The following CHST9 variants were observed in gnomAD, a reference collection of about 807,000 sequenced individuals.
CHST9 encodes carbohydrate sulfotransferase 9.
CHST9 carries 41 observed loss-of-function variants against 44.4 expected under a neutral mutation model. The ratio of observed to expected loss-of-function variants is 0.92; its 90% CI spans 0.72 to 1.20. CHST9 has a LOEUF of 1.20. CHST9 is among the 50% of genes most tolerant of loss of function. The probability of loss-of-function intolerance (pLI) is 0.00; values close to 1 mark genes in which losing one functional copy is unlikely to be tolerated. For missense variants in CHST9, 504 were observed against 516.5 expected, an observed-to-expected ratio of 0.98 and a Z score of 0.23; for synonymous variants, 171 against 178.4, an observed-to-expected ratio of 0.96 and a Z score of 0.33.
At chr18:27,072,361 A>G (rs2057849991) in intron 2 of CHST9, among the ~76,000 whole-genome samples, 1 of 152,058 alleles carries the variant, frequency 6.6e-6, no homozygotes, top group African/African-American at 2.4e-5. Context: ...CAGGGTTGTC[A>G]GCAACAATTT....
intron 4 of CHST9, among the ~76,000 whole-genome samples, chr18:27,019,010 C>T (rs534480115): frequency 6.6e-6 from 1 of 152,320 alleles, no homozygotes; most frequent in South Asian, 2.1e-4. Context: ...GCAATGTGTG[C>T]CCCAGAAAAT....
chr18:27,100,955 T>C (rs1598724951), intron 2 of CHST9, among the ~76,000 whole-genome samples: 1 of 152,348 alleles, frequency 6.6e-6, no homozygotes, highest in Admixed American at 6.5e-5. Context: ...CCAAATGTTA[T>C]CAGCCAAGTC....
intron 2 of CHST9, among the ~76,000 whole-genome samples, chr18:27,129,961 T>C (rs2058457767): frequency 1.3e-5 from 2 of 152,058 alleles, no homozygotes; most frequent in African/African-American, 4.8e-5. Flanking sequence ...CAAAGGATCT[T>C]GAGCCCTCTT....
chr18:27,065,480 T>G (rs1302296524), intron 2 of CHST9, among the ~76,000 whole-genome samples: 1 of 152,052 alleles, frequency 6.6e-6, no homozygotes, highest in Non-Finnish European at 1.5e-5. Flanking sequence ...CCTTAAAAAT[T>G]CATTTTGGTT....
chr18:26,919,431 C>A (rs2055604373), intron 5 of CHST9, among the ~76,000 whole-genome samples: 1 of 152,152 alleles, frequency 6.6e-6, no homozygotes, highest in Non-Finnish European at 1.5e-5. Flanking sequence ...GTTTGACAGA[C>A]CATAGGGTTA....
At chr18:27,160,170 G>A (rs1019255494) in intron 1 of CHST9, among the ~76,000 whole-genome samples, 9 of 152,128 alleles carry the variant, frequency 5.9e-5, no homozygotes, top group Admixed American at 5.9e-4. Flanking sequence ...GTGAGAGAGG[G>A]CATCCCTGTC....
intron 4 of CHST9, among the ~76,000 whole-genome samples, chr18:26,987,358 C>T (rs1282695766): frequency 6.6e-6 from 1 of 152,106 alleles, no homozygotes; most frequent in Non-Finnish European, 1.5e-5. Flanking sequence ...GCTTTAACTC[C>T]CTAGCCTGTG....
chr18:27,170,241 A>G (rs993560538), intron 1 of CHST9, among the ~76,000 whole-genome samples: 3 of 152,176 alleles, frequency 2.0e-5, no homozygotes, highest in Non-Finnish European at 4.4e-5. Flanking sequence ...AAAACATCCT[A>G]TAAGATTCTC....
intron 2 of CHST9, among the ~76,000 whole-genome samples, chr18:27,094,671 G>A (rs1017674103): frequency 5.3e-5 from 8 of 152,308 alleles, no homozygotes; most frequent in Admixed American, 3.9e-4. Flanking sequence ...TTTATAAAGT[G>A]TTATGTTCAT....
In CHST9 at chr18:26,952,853, T is replaced by C. The variant is rs575804794; in HGVS notation, c.203-8487A>G. Among the ~76,000 whole-genome samples the C allele has an allele frequency of 3.9e-5, 6 of 152,286 alleles. No individual in the cohort carries two copies. In the East Asian group the frequency reaches 1.2e-3, roughly 29 times the overall value. ...GGTGGCAGAGAGAAATAAGTGAAGA[T>C]AAACTGCAGTGCCTCCTGAGAAGTG... is the stretch of plus-strand genomic sequence containing the variant. On this transcript the variant is annotated intron_variant, in intron 4 of 5. Transcript: ENST00000618847.
At chr18:26,917,554 T>C (rs1244884766) in intron 5 of CHST9, among the ~76,000 whole-genome samples, 1 of 152,192 alleles carries the variant, frequency 6.6e-6, no homozygotes, top group East Asian at 1.9e-4. Context: ...AAATGGCATC[T>C]ACAGGATAGG....
chr18:27,112,030 C>T (rs1297691147), intron 2 of CHST9, among the ~76,000 whole-genome samples: 1 of 151,128 alleles, frequency 6.6e-6, no homozygotes, highest in African/African-American at 2.4e-5. Flanking sequence ...GAGCTGATAC[C>T]TTAAAATAAA....
chr18:27,131,992 C>CTT (rs1165829584), intron 2 of CHST9, among the ~76,000 whole-genome samples: 3 of 152,156 alleles, frequency 2.0e-5, no homozygotes, highest in Non-Finnish European at 2.9e-5. Context: ...TAATTTATGT[C>CTT]TTTGCCTGTA....
At chr18:27,030,162 A>G (rs2057325620) in intron 3 of CHST9, among the ~76,000 whole-genome samples, 1 of 152,256 alleles carries the variant, frequency 6.6e-6, no homozygotes, top group African/African-American at 2.4e-5. Context: ...CAAGGAATTC[A>G]TAAAAAGGTC....
chr18:27,015,266 A>G (rs2057137854), intron 4 of CHST9, among the ~76,000 whole-genome samples: 1 of 151,608 alleles, frequency 6.6e-6, no homozygotes, highest in Non-Finnish European at 1.5e-5. Context: ...CCAATTTTTC[A>G]GTGTAAAGAA....
At chr18:27,160,739 C>A (rs1341429236) in intron 1 of CHST9, among the ~76,000 whole-genome samples, 1 of 152,170 alleles carries the variant, frequency 6.6e-6, no homozygotes, top group Non-Finnish European at 1.5e-5. Context: ...CCATCTGATC[C>A]TGGACTTTTT....
chr18:27,117,282 A>G (rs1465302753), intron 2 of CHST9, among the ~76,000 whole-genome samples: 1 of 152,110 alleles, frequency 6.6e-6, no homozygotes, highest in Non-Finnish European at 1.5e-5. Context: ...TTAGGTTCAA[A>G]GAAAAACTGA....
chr18:27,166,138 G>A (rs1051266906), intron 1 of CHST9, among the ~76,000 whole-genome samples: 2 of 151,994 alleles, frequency 1.3e-5, no homozygotes, highest in African/African-American at 4.8e-5. Flanking sequence ...TCCAAAAAAT[G>A]ACCTAATTTC....
At chr18:27,038,993 T>C (rs999106812) in intron 3 of CHST9, among the ~76,000 whole-genome samples, 4 of 152,338 alleles carry the variant, frequency 2.6e-5, no homozygotes, top group African/African-American at 9.6e-5. Context: ...TGTATTTTTA[T>C]TGGATATTGC....
Sources: allele counts gnomAD v4.1 joint callset (sites outside exome capture counted in the v4.1 genomes callset), GRCh38; gene constraint gnomAD v4.1.1; transcripts MANE v1.5; gene names NCBI Gene and HGNC (gene_info 2026-07-23, HGNC 2026-07-21).